The following ROBO2 variants were observed in gnomAD, a reference collection of about 807,000 sequenced individuals.
ROBO2 encodes the protein roundabout guidance receptor 2, also known as roundabout homolog 2.
A neutral mutation model predicts 160.8 loss-of-function variants in ROBO2; 53 were observed. The ratio of observed to expected loss-of-function variants is 0.33; its 90% CI spans 0.26 to 0.41. The LOEUF is 0.41. Ranked by LOEUF, ROBO2 falls within the 10% of genes least tolerant of loss-of-function variation. The pLI is 1.00. For missense variants in ROBO2, 1,577 were observed against 1,722.4 expected (o/e 0.92, Z 1.49); for synonymous variants, 664 against 611.7 (o/e 1.09, Z -1.26).
At chr3:77,616,770 T>G (rs2094788100) in intron 21 of ROBO2, among the ~76,000 whole-genome samples, 1 of 152,202 alleles carries the variant, frequency 6.6e-6, no homozygotes, top group Middle Eastern at 3.2e-3. Flanking sequence ...TGGATTAATT[T>G]TCTATATTCA....
intron 2 of ROBO2, among the ~76,000 whole-genome samples, chr3:76,414,056 C>G (rs2075632266): frequency 6.9e-6 from 1 of 144,924 alleles, no homozygotes; most frequent in South Asian, 2.3e-4. Context: ...GAAGCAAAAG[C>G]AGAAACCCCT....
In ROBO2 at chr3:76,699,348, C is replaced by T. The variant is rs150770020; in HGVS notation, c.110-398666C>T. ...TTTACACTTCAGTTGTCTTTTCTAG[C>T]GACTTAGTTTAGGGGAAGGGAATTT... On this transcript the variant is annotated intron_variant, in intron 2 of 26. Transcript: ENST00000487694. Among the ~76,000 whole-genome samples the T allele has an allele frequency of 5.7e-3, 863 of 152,228 alleles. 13 individuals carry two copies. Among genetic ancestry groups the T allele is most frequent in the African/African-American group, 0.02 (823 of 41,526 alleles).
chr3:77,292,666 A>C (rs1560455412), intron 2 of ROBO2, among the ~76,000 whole-genome samples: 1 of 150,922 alleles, frequency 6.6e-6, no homozygotes, highest in African/African-American at 2.4e-5. Flanking sequence ...GACATAAAGT[A>C]AAATTGACGG....
intron 2 of ROBO2, among the ~76,000 whole-genome samples, chr3:77,342,059 G>A (rs1017563511): frequency 1.1e-4 from 17 of 152,140 alleles, no homozygotes; most frequent in Non-Finnish European, 1.9e-4. Context: ...GCTTCCGTGC[G>A]TGTATTTGAT....
At chr3:76,149,780 CA>C in intron 2 of ROBO2, among the ~76,000 whole-genome samples, 1 of 143,490 alleles carries the variant, frequency 7.0e-6, no homozygotes, top group Non-Finnish European at 1.6e-5. Flanking sequence ...GTCTAAAGCA[CA>C]CATCATCAGT....
At chr3:76,751,835 C>T (rs968213725) in intron 2 of ROBO2, among the ~76,000 whole-genome samples, 1 of 152,134 alleles carries the variant, frequency 6.6e-6, no homozygotes, top group Non-Finnish European at 1.5e-5. Flanking sequence ...CACTTTTACA[C>T]TGTTGGCGGG....
chr3:76,886,387 C>T (rs1175831061), intron 2 of ROBO2, among the ~76,000 whole-genome samples: 1 of 150,380 alleles, frequency 6.6e-6, no homozygotes, highest in Non-Finnish European at 1.5e-5. Flanking sequence ...CAGACTTCAG[C>T]CTTTTAACTT....
At chr3:76,795,752 A>G (rs866160731) in intron 2 of ROBO2, among the ~76,000 whole-genome samples, 1 of 152,110 alleles carries the variant, frequency 6.6e-6, no homozygotes, top group African/African-American at 2.4e-5. Flanking sequence ...ATGAGTCACA[A>G]ATATTCTTAA....
intron 2 of ROBO2, among the ~76,000 whole-genome samples, chr3:76,597,781 G>A (rs534685206): frequency 2.2e-4 from 34 of 151,846 alleles, no homozygotes; most frequent in African/African-American, 8.0e-4. Context: ...ACTTATAAGT[G>A]AGAACATATG....
rs114497561 is a variant in ROBO2, at chr3:77,444,882, A to G, written c.389-32532A>G. 6.5e-3 allele frequency among the ~76,000 whole-genome samples: 984 copies of G among 152,278 alleles called. 12 individuals carry two copies. Among genetic ancestry groups the G allele is most frequent in the African/African-American group, 0.023 (937 of 41,562 alleles). ...CAGCAGACATGCAGAATTGTCACCT[A>G]TGTTTGGAATGTGCGGAGGCATCCT... On this transcript the variant is annotated intron_variant, in intron 2 of 25. Transcript: ENST00000461745.
intron 2 of ROBO2, among the ~76,000 whole-genome samples, chr3:76,247,189 G>A (rs1236911085): frequency 6.6e-6 from 1 of 152,080 alleles, no homozygotes; most frequent in Non-Finnish European, 1.5e-5. Flanking sequence ...CTTCTTACGT[G>A]TGTTCAATCT....
At chr3:76,075,654 A>AATAGCGT (rs1269169132) in intron 2 of ROBO2, among the ~76,000 whole-genome samples, 2 of 152,216 alleles carry the variant, frequency 1.3e-5, no homozygotes, top group Non-Finnish European at 2.9e-5. Context: ...GTAGTATCCC[A>AATAGCGT]ATAGCGTAGA....
At chr3:76,550,071 G>T (rs1045620824) in intron 2 of ROBO2, among the ~76,000 whole-genome samples, 1 of 152,088 alleles carries the variant, frequency 6.6e-6, no homozygotes, top group African/African-American at 2.4e-5. Context: ...TAGCTTCAGT[G>T]GATTGTTTTG....
chr3:76,277,180 A>G (rs1194444481), intron 2 of ROBO2, among the ~76,000 whole-genome samples: 1 of 151,972 alleles, frequency 6.6e-6, no homozygotes, highest in Non-Finnish European at 1.5e-5. Flanking sequence ...ACTCTTATTC[A>G]TACATAAGCA....
At chr3:77,467,663 A>T (rs1322065148) in intron 2 of ROBO2, among the ~76,000 whole-genome samples, 2 of 151,854 alleles carry the variant, frequency 1.3e-5, no homozygotes, top group Non-Finnish European at 2.9e-5. Flanking sequence ...TCTATACCCA[A>T]ACCCAGATCT....
chr3:77,206,511 C>T (rs913414060), intron 2 of ROBO2, among the ~76,000 whole-genome samples: 4 of 152,220 alleles, frequency 2.6e-5, no homozygotes, highest in Admixed American at 2.6e-4. Context: ...AAAGAACCAC[C>T]TACCCAAGTA....
At chr3:77,532,473 T>C (rs981968821) in intron 6 of ROBO2, among the ~76,000 whole-genome samples, 6 of 152,166 alleles carry the variant, frequency 3.9e-5, no homozygotes, top group African/African-American at 1.4e-4. Context: ...ACTTGCTTTA[T>C]TTCAATAACC....
chr3:76,509,891 T>C (rs1028103656), intron 2 of ROBO2, among the ~76,000 whole-genome samples: 2 of 152,212 alleles, frequency 1.3e-5, no homozygotes, highest in African/African-American at 4.8e-5. Flanking sequence ...TAGAAAATTC[T>C]ACACCTGACC....
intron 2 of ROBO2, among the ~76,000 whole-genome samples, chr3:76,929,206 G>A (rs1246940291): frequency 2.0e-5 from 3 of 152,186 alleles, no homozygotes; most frequent in Non-Finnish European, 2.9e-5. Context: ...TTTGCAGTGA[G>A]CTGAGATTAC....
Sources: allele counts gnomAD v4.1 joint callset (sites outside exome capture counted in the v4.1 genomes callset), GRCh38; gene constraint gnomAD v4.1.1; transcripts MANE v1.5; gene names NCBI Gene and HGNC (gene_info 2026-07-23, HGNC 2026-07-21).